The following TRAPPC10 variants were observed in gnomAD, a reference collection of about 807,000 sequenced individuals.
TRAPPC10 encodes TRAPP 130 kDa subunit.
Under a neutral mutation model 125.5 loss-of-function variants are expected in TRAPPC10, and 23 were observed. The observed-to-expected ratio is 0.18, with a 90% CI of 0.13 to 0.26. The LOEUF (loss-of-function observed/expected upper bound fraction) is 0.26. Among genes scored for constraint, TRAPPC10 ranks in the 10% least tolerant of loss-of-function variants. The pLI is 1.00. For synonymous variants in TRAPPC10, 509 were observed against 518.0 expected (o/e 0.98, Z 0.24); for missense variants, 1,123 against 1,308.4 (o/e 0.86, Z 2.19).
intron 14 of TRAPPC10, 96 bp downstream of exon 14, chr21:44,083,398 G>C: frequency 7.2e-7 from 1 of 1,386,896 alleles, no homozygotes; most frequent in South Asian, 1.4e-5. Context: ...ATTGAGTAGA[G>C]TCCTTTGTTC....
At chr21:44,079,819 A>G in intron 12 of TRAPPC10, 115 bp downstream of exon 12, 1 of 1,182,378 alleles carries the variant, frequency 8.5e-7, no homozygotes, top group Non-Finnish European at 1.2e-6. Flanking sequence ...GTCCTAACTT[A>G]TACATATGTA....
At chr21:44,020,663 C>T (rs929505144) in intron 1 of TRAPPC10, among the ~76,000 whole-genome samples, 5 of 152,072 alleles carry the variant, frequency 3.3e-5, no homozygotes, top group Non-Finnish European at 5.9e-5. Context: ...AAAACAATTT[C>T]AGGGTTGAAA....
intron 15 of TRAPPC10, among the ~76,000 whole-genome samples, chr21:44,086,115 G>A (rs371450501): frequency 6.6e-6 from 1 of 152,204 alleles, no homozygotes; most frequent in Admixed American, 6.5e-5. Context: ...CAGGGGAGCC[G>A]AAGCACCAGC....
chr21:44,012,743 C>T (rs1241770662), intron 1 of TRAPPC10, among the ~76,000 whole-genome samples, 183 bp downstream of exon 1: 1 of 152,042 alleles, frequency 6.6e-6, no homozygotes, highest in Non-Finnish European at 1.5e-5. Context: ...GCCCTCTGAC[C>T]TTCCCGCCGG....
At chr21:44,044,516 A>G (rs1282177348) in intron 3 of TRAPPC10, among the ~76,000 whole-genome samples, 15 of 151,978 alleles carry the variant, frequency 9.9e-5, no homozygotes, top group Non-Finnish European at 1.5e-5. Flanking sequence ...ACTTTGGATC[A>G]TTGACTTCTG....
chr21:44,086,361 AGCCCGTG>A (rs1362719760), intron 15 of TRAPPC10, among the ~76,000 whole-genome samples: 1 of 152,192 alleles, frequency 6.6e-6, no homozygotes, highest in Non-Finnish European at 1.5e-5. Context: ...TTAACCCAAA[AGCCCGTG>A]GCCTGAAGCT....
rs372288209 is a variant in TRAPPC10, at chr21:44,094,773, GATGATTTGACTTA to G, written c.3168+544_3168+556del. On this transcript the variant is annotated intron_variant, in intron 20 of 22. Coordinates refer to ENST00000291574, the MANE Select transcript of TRAPPC10 (RefSeq NM_003274.5). ...GGTGTGTGCTGTGTTCCTTTAGGGA[GATGATTTGACTTA>G]ATGTTTTGCAATTTTGTGATACTTT... Among the ~76,000 whole-genome samples, 963 of 152,252 alleles carry G rather than the reference GATGATTTGACTTA, an allele frequency of 6.3e-3. 12 individuals carry two copies. The highest frequency in any genetic ancestry group is 0.022 in the African/African-American group (926 of 41,550).
intron 2 of TRAPPC10, among the ~76,000 whole-genome samples, chr21:44,036,041 G>A (rs1209694871): frequency 1.3e-5 from 2 of 152,162 alleles, no homozygotes; most frequent in Non-Finnish European, 2.9e-5. Flanking sequence ...GGATCCACCT[G>A]AGGGGCTTTT....
At chr21:44,015,607 C>CA (rs1366379619) in intron 1 of TRAPPC10, among the ~76,000 whole-genome samples, 1 of 147,696 alleles carries the variant, frequency 6.8e-6, no homozygotes, top group African/African-American at 2.5e-5. Context: ...TGAAGCTCTC[C>CA]AAATTTTTTT....
chr21:44,033,730 G>T (rs60503863), intron 2 of TRAPPC10, among the ~76,000 whole-genome samples: 10,033 of 152,184 alleles, frequency 0.066, 718 homozygotes, highest in African/African-American at 0.17. Context: ...GGACATGGTG[G>T]TGCACGCCTG....
At chr21:44,089,808 G>T in intron 17 of TRAPPC10, 25 bp from the exon 18 acceptor site, 2 of 1,596,370 alleles carry the variant, frequency 1.3e-6, no homozygotes, top group Middle Eastern at 1.7e-4. Context: ...AGTGGTCTGA[G>T]AGTGTCTTTG....
At chr21:44,052,950 T>G (rs556692161) in intron 4 of TRAPPC10, among the ~76,000 whole-genome samples, 6 of 152,326 alleles carry the variant, frequency 3.9e-5, no homozygotes, top group African/African-American at 1.4e-4. Flanking sequence ...TTGTATGGGC[T>G]TTCTCCGCCT....
In TRAPPC10 at chr21:44,089,945, G is replaced by A. The variant is rs370082340; in HGVS notation, c.2870+12G>A. On this transcript the variant is annotated intron_variant, in intron 18 of 22. Transcript: ENST00000291574. The stretch of plus-strand genomic sequence containing the variant: ...TCCTCAGGAACACGGTAACGGAGGC[G>A]TAGCGTGCGGGCCCTGGCTTCTTTC... 32 of 1,598,228 alleles carry A rather than the reference G, an allele frequency of 2.0e-5. No individual in the cohort carries two copies. The African/African-American group carries it at 2.5e-4, about 13-fold the overall frequency.
intron 15 of TRAPPC10, among the ~76,000 whole-genome samples, chr21:44,084,859 A>G (rs1601804008): frequency 6.6e-6 from 1 of 152,218 alleles, no homozygotes; most frequent in East Asian, 1.9e-4. Context: ...GAACTCAGGG[A>G]AACAGGTTGA....
intron 17 of TRAPPC10, chr21:44,089,523 A>G (rs1216812532): frequency 2.0e-6 from 1 of 489,526 alleles, no homozygotes; most frequent in East Asian, 6.0e-5. Context: ...CCCTGCGTGT[A>G]TGGGAGCAGC....
chr21:44,014,031 A>T (rs1601526981), intron 1 of TRAPPC10, among the ~76,000 whole-genome samples: 1 of 152,244 alleles, frequency 6.6e-6, no homozygotes, highest in Admixed American at 6.5e-5. Context: ...TTTTTCTCCT[A>T]AAGTGCTGTG....
chr21:44,049,685 C>T (rs949779834), intron 3 of TRAPPC10, among the ~76,000 whole-genome samples: 1 of 152,160 alleles, frequency 6.6e-6, no homozygotes, highest in African/African-American at 2.4e-5. Context: ...TGGACACCCT[C>T]CTCACTGCTG....
At chr21:44,035,488 T>C (rs1314411991) in intron 2 of TRAPPC10, among the ~76,000 whole-genome samples, 1 of 152,202 alleles carries the variant, frequency 6.6e-6, no homozygotes, top group Non-Finnish European at 1.5e-5. Context: ...CAGTACTCTT[T>C]GTATTGAAGT....
intron 1 of TRAPPC10, among the ~76,000 whole-genome samples, chr21:44,020,900 C>T (rs945232410): frequency 2.0e-5 from 3 of 152,086 alleles, no homozygotes; most frequent in Admixed American, 6.5e-5. Flanking sequence ...TAGCACAGCT[C>T]GGACCAATAT....
Sources: gnomAD v4.1 joint callset for allele counts (sites outside exome capture counted in the v4.1 genomes callset) on GRCh38, gnomAD v4.1.1 for gene constraint, MANE v1.5 for transcripts, NCBI Gene and HGNC (gene_info 2026-07-23, HGNC 2026-07-21) for gene names.